Variants in PDE6A observed in about 807,000 individuals in gnomAD.
The protein encoded by PDE6A is phosphodiesterase 6A, also known as rod cGMP-specific 3',5'-cyclic phosphodiesterase subunit alpha.
A neutral mutation model predicts 106.3 loss-of-function variants in PDE6A; 84 were observed. The ratio of observed to expected loss-of-function variants is 0.79; its 90% CI spans 0.66 to 0.95. The LOEUF (loss-of-function observed/expected upper bound fraction) is 0.95. Ranked by LOEUF, PDE6A falls within the 40% of genes least tolerant of loss-of-function variation. The pLI is 0.00. For synonymous variants in PDE6A, 394 were observed against 386.6 expected (o/e 1.02, Z -0.23); for missense variants, 1,052 against 1,084.9 (o/e 0.97, Z 0.43).
At chr5:149,889,396 T>C (rs1261311776) in intron 13 of PDE6A, among the ~76,000 whole-genome samples, 4 of 152,072 alleles carry the variant, frequency 2.6e-5, no homozygotes, top group African/African-American at 9.6e-5. Context: ...GGTCTTTCTA[T>C]AAGTATTTAA....
intron 8 of PDE6A, among the ~76,000 whole-genome samples, chr5:149,902,718 A>G (rs1434616505): frequency 6.6e-6 from 1 of 151,562 alleles, no homozygotes; most frequent in East Asian, 1.9e-4. Context: ...GCTACTTGGG[A>G]GGCTGAGGCA....
intron 5 of PDE6A, among the ~76,000 whole-genome samples, chr5:149,917,188 AAGT>A (rs926655250): frequency 1.3e-5 from 2 of 152,108 alleles, no homozygotes; most frequent in Non-Finnish European, 2.9e-5. Flanking sequence ...ATATTTTTAA[AAGT>A]AGCAATCAAA....
At chr5:149,925,485 C>T (rs1316825202) in intron 4 of PDE6A, among the ~76,000 whole-genome samples, 2 of 151,906 alleles carry the variant, frequency 1.3e-5, no homozygotes, top group Non-Finnish European at 2.9e-5. Context: ...GACAGGCAGA[C>T]CACTTGAGGT....
chr5:149,933,316 G>T (rs895704607), intron 3 of PDE6A, among the ~76,000 whole-genome samples: 1 of 152,028 alleles, frequency 6.6e-6, no homozygotes. Flanking sequence ...ATAGAGATGG[G>T]GTCTTACTAT....
intron 17 of PDE6A, among the ~76,000 whole-genome samples, chr5:149,868,592 C>T (rs940373427): frequency 6.6e-6 from 1 of 152,240 alleles, no homozygotes; most frequent in African/African-American, 2.4e-5. Context: ...AATCTCATCA[C>T]ATCTTCAGAG....
chr5:149,866,108 TGTCTGGAAATCCCAGGTTTATCAAAGAC>T, intron 20 of PDE6A, 34 bp downstream of exon 20: 1 of 1,180,982 alleles, frequency 8.5e-7, no homozygotes, highest in East Asian at 2.3e-5. Context: ...TTCCTGCTGT[TGTCTGGAAATCCCAGGTTTATCAAAGAC>T]ATCTTGTTGC....
At chr5:149,937,356 A>G (rs1390766228) in intron 1 of PDE6A, among the ~76,000 whole-genome samples, 1 of 152,148 alleles carries the variant, frequency 6.6e-6, no homozygotes, top group African/African-American at 2.4e-5. Context: ...CATGGGAAAG[A>G]GTTTTGATTT....
rs1446834745 is a variant in PDE6A at position 149,883,508 on chromosome 5, C to A, written c.2056G>T (p.Asp686Tyr). The A allele has an allele frequency of 6.2e-7, 1 of 1,613,412 alleles. No individual in the cohort carries two copies. Among genetic ancestry groups the A allele is most frequent in the Non-Finnish European group, 8.5e-7 (1 of 1,179,382 alleles). Residue 686 changes from aspartate to tyrosine, a missense_variant, in exon 17 of 22, where the codon GAT becomes TAT. Asp to Tyr is a radical substitution (Grantham distance 160, BLOSUM62 -3). This residue lies in a region of PDE6A where 913 missense variants were observed against 915.2 expected (regional missense o/e 1.00). Coordinates refer to ENST00000255266, the MANE Select transcript of PDE6A (RefSeq NM_000440.3). ...KKRTMFQKIVDQSKTYESEQE... is the reference protein window; with the variant it reads ...KKRTMFQKIVYQSKTYESEQE... ...TCACTCTCATATGTCTTAGACTGATCCACGATCTTTTGGAACATCGTCCTC... is the reference window on the plus strand; with the variant it reads ...TCACTCTCATATGTCTTAGACTGATACACGATCTTTTGGAACATCGTCCTC...
chr5:149,899,013 G>A (rs112989842), intron 9 of PDE6A, among the ~76,000 whole-genome samples: 3,247 of 152,120 alleles, frequency 0.021, 112 homozygotes, highest in African/African-American at 0.074. Context: ...ACAGATATGC[G>A]CTACCATGCC....
chr5:149,907,689 A>G (rs1346943390), intron 6 of PDE6A, among the ~76,000 whole-genome samples: 1 of 152,218 alleles, frequency 6.6e-6, no homozygotes, highest in Non-Finnish European at 1.5e-5. Flanking sequence ...TTCCCTCATA[A>G]AGTTAGAAGC....
intron 5 of PDE6A, among the ~76,000 whole-genome samples, chr5:149,920,228 A>G (rs1753663013): frequency 6.6e-6 from 1 of 152,192 alleles, no homozygotes; most frequent in Admixed American, 6.5e-5. Flanking sequence ...TCAGAAACTT[A>G]AATGCCTAGA....
rs1554092090 is a variant in PDE6A, at chr5:149,929,609, A to AAAATAAAAAAATAAATAAAT, written c.858+1418_858+1419insATTTATTTATTTTTTTATTT. 2.7e-3 allele frequency among the ~76,000 whole-genome samples: 388 copies of AAAATAAAAAAATAAATAAAT among 145,380 alleles called. 2 individuals carry two copies. Among genetic ancestry groups the AAAATAAAAAAATAAATAAAT allele is most frequent in the African/African-American group, 9.5e-3 (368 of 38,884 alleles). On this transcript the variant is annotated intron_variant, in intron 4 of 21. Coordinates refer to ENST00000255266, the MANE Select transcript of PDE6A (RefSeq NM_000440.3). The stretch of plus-strand genomic sequence containing the variant: ...GTGACAGAGCGAGACTCCGTCTCAA[A>AAAATAAAAAAATAAATAAAT]AAATAAATAAATAAATAAATAAATA...
chr5:149,888,541 C>T (rs1201282955), intron 13 of PDE6A, among the ~76,000 whole-genome samples: 1 of 148,942 alleles, frequency 6.7e-6, no homozygotes, highest in East Asian at 1.9e-4. Flanking sequence ...ATAAGGGAAA[C>T]AATTCTATAA....
chr5:149,916,834 T>C (rs142424658), intron 5 of PDE6A, among the ~76,000 whole-genome samples: 400 of 152,324 alleles, frequency 2.6e-3, no homozygotes, highest in African/African-American at 9.1e-3. Flanking sequence ...TTTTCCTCTA[T>C]GTCACCTAAC....
chr5:149,890,960 A>G (rs1318652742), intron 13 of PDE6A, among the ~76,000 whole-genome samples: 1 of 152,230 alleles, frequency 6.6e-6, no homozygotes, highest in Non-Finnish European at 1.5e-5. Flanking sequence ...TATTTAATAA[A>G]CAGTGCTATG....
intron 9 of PDE6A, 43 bp from the exon 10 acceptor site, chr5:149,898,549 G>A (rs746134644): frequency 1.9e-6 from 3 of 1,593,284 alleles, no homozygotes; most frequent in South Asian, 1.1e-5. Context: ...GAACACCTAA[G>A]TTTAATCTTG....
intron 19 of PDE6A, chr5:149,867,406 A>G (rs894567728): frequency 2.0e-5 from 9 of 458,558 alleles, no homozygotes; most frequent in Non-Finnish European, 3.6e-5. Flanking sequence ...CCACTTGCCA[A>G]CCTCTAGGGT....
At chr5:149,861,349 CTT>C (rs1269315490) in intron 21 of PDE6A, among the ~76,000 whole-genome samples, 2 of 152,196 alleles carry the variant, frequency 1.3e-5, no homozygotes, top group East Asian at 1.9e-4. Context: ...CCTTTTTACT[CTT>C]TTAGAAAGAA....
chr5:149,932,178 TC>T (rs1164602269), intron 3 of PDE6A: 1 of 1,229,038 alleles, frequency 8.1e-7, no homozygotes, highest in African/African-American at 1.5e-5. Flanking sequence ...AACAGTCAGG[TC>T]ATCTGATGTT....
Sources: gnomAD v4.1 joint callset for allele counts (sites outside exome capture counted in the v4.1 genomes callset) on GRCh38, gnomAD v4.1.1 for gene constraint, gnomAD v4.1.1 regional missense constraint, MANE v1.5 for transcripts, NCBI Gene and HGNC (gene_info 2026-07-23, HGNC 2026-07-21) for gene names.